Variants in CHN1 observed in about 807,000 individuals in gnomAD.
CHN1 encodes the protein N-chimaerin.
In CHN1, 37 loss-of-function variants were observed where a neutral mutation model predicts 59.5. The observed-to-expected ratio is 0.62, with a 90% CI of 0.48 to 0.82. The LOEUF (loss-of-function observed/expected upper bound fraction) is 0.82. Ranked by LOEUF, CHN1 falls within the 40% of genes least tolerant of loss-of-function variation. The pLI is 0.00. For missense variants in CHN1, 469 were observed against 571.0 expected (o/e 0.82, Z 1.82); for synonymous variants, 206 against 200.4 (o/e 1.03, Z -0.24).
At chr2:174,833,652 C>G (rs1454552177) in intron 7 of CHN1, among the ~76,000 whole-genome samples, 2 of 152,086 alleles carry the variant, frequency 1.3e-5, no homozygotes, top group Non-Finnish European at 2.9e-5. Context: ...AACCTGTTTT[C>G]TATGCATTCC....
At chr2:174,995,526 G>A (rs1691679624) in intron 1 of CHN1, among the ~76,000 whole-genome samples, 1 of 152,148 alleles carries the variant, frequency 6.6e-6, no homozygotes, top group African/African-American at 2.4e-5. Flanking sequence ...CAGATCAACA[G>A]GCATTAGATT....
In CHN1 at chr2:174,982,210, G is replaced by C. The variant is rs1034963971; in HGVS notation, c.19+22684C>G. Among the ~76,000 whole-genome samples, 34 of 152,090 alleles carry C rather than the reference G, an allele frequency of 2.2e-4. 1 individual carries two copies. The highest frequency in any genetic ancestry group is 4.8e-5 in the African/African-American group (2 of 41,412). On this transcript the variant is annotated intron_variant, in intron 1 of 12. Transcript: ENST00000409900. ...TCCAGTCTATCATTGTTGGGCATTT[G>C]GGTTGGTTCCAGGTCTTTGCTATTG...
At chr2:174,864,138 T>A (rs952357668) in intron 6 of CHN1, among the ~76,000 whole-genome samples, 2 of 152,120 alleles carry the variant, frequency 1.3e-5, no homozygotes, top group Non-Finnish European at 2.9e-5. Context: ...TCTGTTTTCT[T>A]TTTCTTTTTT....
rs1489425613 is a variant in CHN1, at chr2:174,799,023, A to G, written c.*1093T>C. Among the ~76,000 whole-genome samples, 1 of 152,224 alleles carries G rather than the reference A, an allele frequency of 6.6e-6. No individual in the cohort carries two copies. On this transcript the variant is annotated 3_prime_UTR_variant, in exon 13 of 13. Transcript: ENST00000409900. ...GCCACCAGGTTGGCCTCTGGGGCTC[A>G]TCTCTCAGGCAGCATTGTCAGCTCA...
chr2:174,800,643 AC>A (rs1160613150), intron 12 of CHN1, among the ~76,000 whole-genome samples: 1 of 151,922 alleles, frequency 6.6e-6, no homozygotes, highest in Non-Finnish European at 1.5e-5. Flanking sequence ...TAATCCACCC[AC>A]CCTCCCTTCA....
At chr2:174,806,789 A>T (rs536198128) in intron 11 of CHN1, among the ~76,000 whole-genome samples, 1 of 152,214 alleles carries the variant, frequency 6.6e-6, no homozygotes, top group Non-Finnish European at 1.5e-5. Context: ...TTTTAAGAGA[A>T]TGGCCGTATC....
chr2:174,831,781 C>T (rs115496575), intron 7 of CHN1, among the ~76,000 whole-genome samples: 4 of 152,278 alleles, frequency 2.6e-5, no homozygotes, highest in Non-Finnish European at 5.9e-5. Flanking sequence ...ACCTAAAACA[C>T]TTCTACTTAG....
intron 1 of CHN1, among the ~76,000 whole-genome samples, chr2:174,984,233 T>A (rs752320855): frequency 1.3e-5 from 2 of 152,138 alleles, no homozygotes; most frequent in Non-Finnish European, 2.9e-5. Context: ...TATGTGTATA[T>A]CCCTTACATC....
chr2:174,918,491 C>A, intron 4 of CHN1, 43 bp downstream of exon 4: 1 of 1,477,460 alleles, frequency 6.8e-7, no homozygotes, highest in Non-Finnish European at 9.2e-7. Flanking sequence ...GTCTGTCTTA[C>A]ATATGCCAAT....
At chr2:174,841,729 T>A (rs1686309004) in intron 7 of CHN1, among the ~76,000 whole-genome samples, 1 of 152,184 alleles carries the variant, frequency 6.6e-6, no homozygotes, top group African/African-American at 2.4e-5. Context: ...TTTAAAGGAA[T>A]AATTCACATT....
At chr2:174,919,205 T>C (rs1451719072) in intron 3 of CHN1, among the ~76,000 whole-genome samples, 1 of 152,216 alleles carries the variant, frequency 6.6e-6, no homozygotes, top group East Asian at 1.9e-4. Context: ...TTTTGGAACT[T>C]ACATTCTAAT....
Position 174,997,750 on chromosome 2 carries a change from G to A in CHN1, c.19+7144C>T, listed in dbSNP as rs144232854. Reference sequence around the variant, plus strand: ...AAAGTTCTATATAAAAGATACAAAAGGCCGGGTGTGGTGGCTCACGTCTGT... The same window carrying A: ...AAAGTTCTATATAAAAGATACAAAAAGCCGGGTGTGGTGGCTCACGTCTGT... On this transcript the variant is annotated intron_variant, in intron 1 of 12. Transcript: ENST00000409900. Among the ~76,000 whole-genome samples, 44 of 152,218 alleles carry A rather than the reference G, an allele frequency of 2.9e-4. 1 individual carries two copies. In the East Asian group the frequency reaches 8.5e-3, roughly 29 times the overall value.
chr2:174,983,829 AAAAT>A (rs112080160), intron 1 of CHN1, among the ~76,000 whole-genome samples: 6 of 152,044 alleles, frequency 3.9e-5, no homozygotes, highest in African/African-American at 9.7e-5. Flanking sequence ...CTCCGTCTTA[AAAAT>A]AAATAAATAA....
chr2:174,835,749 C>T (rs1457723611), intron 7 of CHN1, among the ~76,000 whole-genome samples: 23 of 152,162 alleles, frequency 1.5e-4, no homozygotes, highest in Admixed American at 1.5e-3. Flanking sequence ...TTAAAGACAG[C>T]TTCCATTTCT....
rs142118132 is a variant in CHN1 at position 174,828,276 on chromosome 2, G to C, written c.628-3758C>G. Among the ~76,000 whole-genome samples the C allele has an allele frequency of 2.3e-3, 356 of 152,288 alleles. 4 individuals carry two copies. Among genetic ancestry groups the C allele is most frequent in the East Asian group, 0.014 (70 of 5,174 alleles). On this transcript the variant is annotated intron_variant, in intron 7 of 12. Coordinates refer to ENST00000409900, the MANE Select transcript of CHN1 (RefSeq NM_001822.7). Reference sequence around the variant, plus strand: ...CAGAGAAGGGCCACTGGACTTGAAAGCAAGTTTCCTTTTTGGGTGACACAT... The same window carrying C: ...CAGAGAAGGGCCACTGGACTTGAAACCAAGTTTCCTTTTTGGGTGACACAT...
intron 5 of CHN1, among the ~76,000 whole-genome samples, chr2:174,901,298 C>T (rs1005124155): frequency 6.6e-6 from 1 of 152,216 alleles, no homozygotes; most frequent in Non-Finnish European, 1.5e-5. Context: ...GCAGCCCTTG[C>T]ATGGACATGC....
intron 1 of CHN1, among the ~76,000 whole-genome samples, chr2:174,956,919 GA>G (rs1690224485): frequency 6.6e-6 from 1 of 152,158 alleles, no homozygotes; most frequent in South Asian, 2.1e-4. Flanking sequence ...AGCAAATACT[GA>G]ACCACTGCTC....
intron 7 of CHN1, among the ~76,000 whole-genome samples, chr2:174,844,270 A>G (rs1366555900): frequency 6.6e-6 from 1 of 152,042 alleles, no homozygotes; most frequent in Non-Finnish European, 1.5e-5. Flanking sequence ...TCTACTAAAA[A>G]AACCCCAAAC....
At chr2:175,004,806 C>CCCCGGGCG in intron 1 of CHN1, 88 bp downstream of exon 1, 1 of 794,070 alleles carries the variant, frequency 1.3e-6, no homozygotes, top group Non-Finnish European at 1.6e-6. Context: ...CGCGCCCCCT[C>CCCCGGGCG]CCCGGGCGCC....
Sources: gnomAD v4.1 joint callset for allele counts (sites outside exome capture counted in the v4.1 genomes callset) on GRCh38, gnomAD v4.1.1 for gene constraint, MANE v1.5 for transcripts, NCBI Gene and HGNC (gene_info 2026-07-23, HGNC 2026-07-21) for gene names.